ADGRD1: variants seen among roughly 807,000 people sequenced by gnomAD.
ADGRD1 encodes adhesion G protein-coupled receptor D1, also known as G-protein coupled receptor 133.
A neutral mutation model predicts 113.4 loss-of-function variants in ADGRD1; 77 were observed. That is an observed-to-expected ratio of 0.68 (90% CI 0.57 to 0.82). The LOEUF is 0.82. ADGRD1 is among the 40% of genes least tolerant of loss of function. The probability of loss-of-function intolerance (pLI) is 0.00; values close to 1 mark genes in which losing one functional copy is unlikely to be tolerated. For synonymous variants in ADGRD1, 474 were observed against 475.0 expected (o/e 1.00, Z 0.03); for missense variants, 1,036 against 1,139.1 (o/e 0.91, Z 1.30).
chr12:130,958,443 G>A (rs1023891342), intron 2 of ADGRD1, among the ~76,000 whole-genome samples: 7 of 152,014 alleles, frequency 4.6e-5, no homozygotes, highest in African/African-American at 1.7e-4. Context: ...CAGGTGATCC[G>A]CCTGCCTCGG....
At chr12:130,987,758 G>A (rs918578738) in intron 6 of ADGRD1, 3 of 220,998 alleles carry the variant, frequency 1.4e-5, no homozygotes, top group South Asian at 8.5e-5. Context: ...TTCGGGGCAG[G>A]GGCCTGTGGG....
intron 13 of ADGRD1, among the ~76,000 whole-genome samples, chr12:131,061,255 G>A (rs1433357082): frequency 6.6e-6 from 1 of 152,166 alleles, no homozygotes; most frequent in Non-Finnish European, 1.5e-5. Flanking sequence ...AGGGGAGGAG[G>A]GACCACAACC....
In ADGRD1 at chr12:131,044,422, G is replaced by A. The variant is rs1462205724; in HGVS notation, c.1473+30082G>A. Among the ~76,000 whole-genome samples the A allele has an allele frequency of 5.3e-5, 8 of 152,224 alleles. No homozygotes were observed. In the East Asian group the frequency reaches 1.5e-3, roughly 29 times the overall value. Reference sequence around the variant, plus strand: ...GACAGGAGAGGCAGAAGCACAGGGGGCTGAGGGGACCGGTCCTGGGTGGGG... The same window carrying A: ...GACAGGAGAGGCAGAAGCACAGGGGACTGAGGGGACCGGTCCTGGGTGGGG... On this transcript the variant is annotated intron_variant, in intron 13 of 24. Coordinates refer to ENST00000261654, the MANE Select transcript of ADGRD1 (RefSeq NM_198827.5).
At position 131,120,873 on chromosome 12, in the gene ADGRD1, C is replaced by A; in HGVS notation, c.2135C>A (p.Ala712Asp). 6.2e-7 allele frequency: 1 copy of A among 1,614,224 alleles called. No homozygotes were observed. The highest frequency in any genetic ancestry group is 8.5e-7 in the Non-Finnish European group (1 of 1,180,048). Residue 712 changes from alanine (A) to aspartate (D), a missense_variant, in exon 20 of 25, where the codon GCC becomes GAC. Ala to Asp is a moderately radical substitution (Grantham distance 126). Transcript: ENST00000261654. ...TGCTGGCTGTCGTTGGCGAGTGGCGCCATCTGGGCCTTTGTAGCCCCTGCC... is the reference window on the plus strand; with the variant it reads ...TGCTGGCTGTCGTTGGCGAGTGGCGACATCTGGGCCTTTGTAGCCCCTGCC... Reference protein sequence around the residue: ...NNCWLSLASGAIWAFVAPALF... With the variant: ...NNCWLSLASGDIWAFVAPALF...
intron 14 of ADGRD1, among the ~76,000 whole-genome samples, chr12:131,080,580 T>C (rs1215543887): frequency 1.3e-5 from 2 of 152,190 alleles, no homozygotes; most frequent in African/African-American, 4.8e-5. Flanking sequence ...AATTCTCCAA[T>C]TTTAGTGGTG....
intron 12 of ADGRD1, 145 bp downstream of exon 12, chr12:131,006,192 G>A (rs112084756): frequency 1.8e-5 from 13 of 728,068 alleles, no homozygotes; most frequent in African/African-American, 8.7e-5. Flanking sequence ...GCAAGGAAAC[G>A]TGAAGCGTTT....
chr12:131,017,393 CAT>C lies in ADGRD1; in HGVS notation c.1473+3055_1473+3056del, dbSNP rs370530160. Among the ~76,000 whole-genome samples the C allele has an allele frequency of 2.4e-3, 287 of 119,522 alleles. 19 individuals carry two copies. The highest frequency in any genetic ancestry group is 0.011 in the African/African-American group (269 of 25,188). 78.4% of individuals were successfully genotyped at this position (119,522 alleles called of 152,430 possible). ...ACACAGTCCACACACACCCAGTCCA[CAT>C]ACACTCAGTCCACACACAGTCCATA... On this transcript the variant is annotated intron_variant, in intron 13 of 24. Transcript: ENST00000261654.
chr12:131,014,812 G>A (rs76918406), intron 13 of ADGRD1, among the ~76,000 whole-genome samples: 3,587 of 152,274 alleles, frequency 0.024, 98 homozygotes, highest in African/African-American at 0.065. Context: ...CTTCATAACC[G>A]CTCTCCTCTC....
intron 13 of ADGRD1, among the ~76,000 whole-genome samples, chr12:131,020,106 A>AGAGGCAGAACCCTGAGCTCCGTCC (rs1555247595): frequency 2.9e-5 from 1 of 35,058 alleles, no homozygotes; most frequent in Non-Finnish European, 6.9e-5. Flanking sequence ...GAGATATTCC[A>AGAGGCAGAACCCTGAGCTCCGTCC]GGGGCAGGAC....
chr12:131,035,454 G>A (rs905963981), intron 13 of ADGRD1: 3 of 152,392 alleles, frequency 2.0e-5, no homozygotes, highest in Middle Eastern at 3.4e-3. Flanking sequence ...GGGCAGTCAC[G>A]CCCCGAGGGG....
chr12:131,002,460 G>C, intron 9 of ADGRD1: 8 of 941,552 alleles, frequency 8.5e-6, no homozygotes, highest in Non-Finnish European at 1.0e-5. Context: ...GTGTTTGTGG[G>C]AGAATGCTGA....
intron 12 of ADGRD1, among the ~76,000 whole-genome samples, chr12:131,007,435 G>A (rs1457394042): frequency 1.3e-5 from 2 of 152,218 alleles, no homozygotes; most frequent in African/African-American, 2.4e-5. Flanking sequence ...TTAGATCAGC[G>A]CTGGCAGGGA....
At chr12:130,978,973 G>C (rs1378416571) in intron 4 of ADGRD1, among the ~76,000 whole-genome samples, 1 of 151,710 alleles carries the variant, frequency 6.6e-6, no homozygotes, top group Non-Finnish European at 1.5e-5. Flanking sequence ...CAGCGCCCAA[G>C]GCAGGGAAGT....
At chr12:130,968,902 TGA>T (rs985422082) in intron 3 of ADGRD1, 2 of 822,448 alleles carry the variant, frequency 2.4e-6, no homozygotes, top group Non-Finnish European at 4.0e-6. Flanking sequence ...TGCTGCAGGT[TGA>T]GAGATATGTT....
Position 130,987,200 on chromosome 12 carries a change from G to C in ADGRD1, c.596G>C (p.Arg199Pro). ...STSDPSGKVS[R>P]DYGESNVNLV... ...TCTGATCCGAGTGGAAAAGTGTCTC[G>C]TGACTATGGAGAGTCCAACGTCAAC... Residue 199 changes from arginine to proline, a missense_variant, in exon 6 of 25, where the codon CGT becomes CCT. Physicochemically the swap from Arg to Pro is moderately radical, Grantham distance 103 (BLOSUM62 -2). Coordinates refer to ENST00000261654, the MANE Select transcript of ADGRD1 (RefSeq NM_198827.5). 1 of 1,614,218 alleles carries C rather than the reference G, an allele frequency of 6.2e-7. No individual in the cohort carries two copies. Among genetic ancestry groups the C allele is most frequent in the Non-Finnish European group, 8.5e-7 (1 of 1,180,028 alleles).
rs11612165 is a variant in ADGRD1, at chr12:131,096,082, G to A, written c.1672-8749G>A. On this transcript the variant is annotated intron_variant, in intron 15 of 24. Coordinates refer to ENST00000261654, the MANE Select transcript of ADGRD1 (RefSeq NM_198827.5). This position sits in a 1 kb window ranked among gnomAD's most constrained non-coding sequence, Gnocchi z 5.2. ...CTGCCCAGAGCAGCGGCCTAGACAC[G>A]CGCTTGCTTTTCTGTCATTCCAGAC... Among the ~76,000 whole-genome samples, 41,661 of 151,922 alleles carry A rather than the reference G, an allele frequency of 0.27. 7,246 individuals are homozygous for A. Among genetic ancestry groups the A allele is most frequent in the East Asian group, 0.66 (3,380 of 5,136 alleles).
chr12:131,017,601 C>G (rs1878757288), intron 13 of ADGRD1, among the ~76,000 whole-genome samples: 1 of 150,856 alleles, frequency 6.6e-6, no homozygotes, highest in African/African-American at 2.4e-5. Context: ...ACTCCCAGCA[C>G]AGACACACCC....
rs572097509 is a variant in ADGRD1, at chr12:131,120,911, G to T, written c.2173G>T (p.Val725Leu). 21 of 1,613,962 alleles carry T rather than the reference G, an allele frequency of 1.3e-5. No homozygotes were observed. The highest frequency in any genetic ancestry group is 1.0e-4 in the Admixed American group (6 of 60,018). The stretch of plus-strand genomic sequence containing the variant: ...TGTAGCCCCTGCCCTGTTTGTCATC[G>T]TGGTACGTTTCCTACCCTTGTGGGC... ...AFVAPALFVIVVNIGILIAVT... is the reference protein window; with the variant it reads ...AFVAPALFVILVNIGILIAVT... Residue 725 changes from valine (V) to leucine (L), a missense_variant and splice_region_variant, in exon 20 of 25, where the codon GTG becomes TTG. Physicochemically the swap from Val to Leu is conservative, Grantham distance 32. Coordinates refer to ENST00000261654, the MANE Select transcript of ADGRD1 (RefSeq NM_198827.5).
chr12:131,034,096 G>C (rs1012587678), intron 13 of ADGRD1, among the ~76,000 whole-genome samples: 3 of 152,112 alleles, frequency 2.0e-5, no homozygotes, highest in Non-Finnish European at 4.4e-5. Flanking sequence ...AGTAATATTC[G>C]ACGTGGCCGT....
Sources: gnomAD v4.1 joint callset for allele counts (sites outside exome capture counted in the v4.1 genomes callset) on GRCh38, gnomAD v4.1.1 for gene constraint, Gnocchi (gnomAD v3.1) non-coding constraint, MANE v1.5 for transcripts, NCBI Gene and HGNC (gene_info 2026-07-23, HGNC 2026-07-21) for gene names.